Variants in RBMS3 observed in about 807,000 individuals in gnomAD.
RBMS3 encodes RNA binding motif single stranded interacting protein 3, also known as RNA-binding motif, single-stranded-interacting protein 3.
RBMS3 carries 27 observed loss-of-function variants against 66.8 expected under a neutral mutation model. The observed-to-expected ratio is 0.40, with a 90% CI of 0.30 to 0.56. RBMS3 has a LOEUF of 0.56. Among genes scored for constraint, RBMS3 ranks in the 20% least tolerant of loss-of-function variants. The probability of loss-of-function intolerance (pLI) is 0.40; values close to 1 mark genes in which losing one functional copy is unlikely to be tolerated. For missense variants in RBMS3, 513 were observed against 549.5 expected, an observed-to-expected ratio of 0.93 and a Z score of 0.66; for synonymous variants, 188 against 183.0, an observed-to-expected ratio of 1.03 and a Z score of -0.22.
chr3:29,850,203 G>A (rs1361871842), intron 6 of RBMS3, among the ~76,000 whole-genome samples: 1 of 152,150 alleles, frequency 6.6e-6, no homozygotes, highest in Non-Finnish European at 1.5e-5. Context: ...GAAAAACACA[G>A]AGAGAAAAGA....
chr3:29,724,605 A>G (rs1307665262), intron 4 of RBMS3, among the ~76,000 whole-genome samples: 1 of 152,192 alleles, frequency 6.6e-6, no homozygotes, highest in African/African-American at 2.4e-5. Flanking sequence ...AAATGGAAGT[A>G]TATAGTTATA....
At chr3:29,439,329 G>T (rs186062175) in intron 2 of RBMS3, among the ~76,000 whole-genome samples, 77 of 152,298 alleles carry the variant, frequency 5.1e-4, no homozygotes, top group African/African-American at 1.8e-3. Flanking sequence ...AGAGTACGGA[G>T]AAGTGATCCT....
intron 1 of RBMS3, among the ~76,000 whole-genome samples, chr3:29,382,580 C>T (rs934058385): frequency 4.6e-5 from 7 of 152,114 alleles, no homozygotes; most frequent in South Asian, 2.1e-4. Flanking sequence ...CTATGAGCAC[C>T]GAAGCACTGC....
At chr3:29,990,460 C>CAAAAAAAAAAAAAAAAAAAAAAAA (rs10596526) in intron 13 of RBMS3, among the ~76,000 whole-genome samples, 3 of 106,514 alleles carry the variant, frequency 2.8e-5, no homozygotes, top group African/African-American at 3.6e-5. Flanking sequence ...CTGTGAGAAA[C>CAAAAAAAAAAAAAAAAAAAAAAAA]AAAAAAAAAA....
At chr3:29,625,704 A>AAGTAAGTAAG (rs1553633445) in intron 4 of RBMS3, among the ~76,000 whole-genome samples, 2,827 of 133,252 alleles carry the variant, frequency 0.021, 78 homozygotes, top group African/African-American at 0.07. Flanking sequence ...ATTAAAGTAA[A>AAGTAAGTAAG]TAAATAAATA....
intron 1 of RBMS3, among the ~76,000 whole-genome samples, chr3:29,293,532 C>T (rs924251692): frequency 1.3e-5 from 2 of 151,768 alleles, no homozygotes; most frequent in African/African-American, 2.4e-5. Flanking sequence ...TAGATTTCAA[C>T]ATGGCCCATA....
intron 2 of RBMS3, among the ~76,000 whole-genome samples, chr3:29,472,555 C>CGTCTGGAGTTT (rs1187536266): frequency 1.2e-3 from 180 of 152,136 alleles, no homozygotes; most frequent in African/African-American, 4.2e-3. Context: ...TAAGGCGGCG[C>CGTCTGGAGTTT]GTACCTTCTG....
chr3:29,754,877 C>A (rs938408538), intron 5 of RBMS3, among the ~76,000 whole-genome samples: 4 of 152,262 alleles, frequency 2.6e-5, no homozygotes, highest in African/African-American at 9.6e-5. Context: ...GAAAGCTGGT[C>A]AGGAACAAAA....
chr3:29,426,394 A>G (rs1179761827), intron 1 of RBMS3, among the ~76,000 whole-genome samples: 2 of 152,216 alleles, frequency 1.3e-5, no homozygotes, highest in South Asian at 2.1e-4. Context: ...TGTGTTTCCA[A>G]GTACCATGAA....
intron 1 of RBMS3, among the ~76,000 whole-genome samples, chr3:29,414,067 G>A (rs1178597341): frequency 6.6e-6 from 1 of 152,130 alleles, no homozygotes; most frequent in Non-Finnish European, 1.5e-5. Flanking sequence ...CCTTGCGCGG[G>A]AGTCTTTTAA....
chr3:29,741,579 A>G (rs1179356583), intron 5 of RBMS3, among the ~76,000 whole-genome samples: 1 of 152,210 alleles, frequency 6.6e-6, no homozygotes, highest in Non-Finnish European at 1.5e-5. Context: ...GCTGGGAAAT[A>G]AATGCATTTC....
chr3:29,940,086 T>C (rs1340351982), intron 11 of RBMS3, among the ~76,000 whole-genome samples: 1 of 151,864 alleles, frequency 6.6e-6, no homozygotes, highest in African/African-American at 2.4e-5. Flanking sequence ...CCATACACAA[T>C]TACTTTTCAA....
chr3:29,945,828 T>C (rs975804774), intron 12 of RBMS3, among the ~76,000 whole-genome samples: 1 of 151,658 alleles, frequency 6.6e-6, no homozygotes, highest in Non-Finnish European at 1.5e-5. Context: ...CCTGATTGCA[T>C]ACACAGGGCC....
intron 4 of RBMS3, among the ~76,000 whole-genome samples, chr3:29,645,400 G>A (rs1034052869): frequency 6.6e-6 from 1 of 152,212 alleles, no homozygotes. Flanking sequence ...GTCTGGTGCT[G>A]TCCAAGGAAT....
intron 8 of RBMS3, among the ~76,000 whole-genome samples, chr3:29,887,453 T>C (rs889371092): frequency 5.9e-5 from 9 of 151,722 alleles, no homozygotes; most frequent in African/African-American, 1.9e-4. Flanking sequence ...AAGAGGCTCA[T>C]CCCCCTTTGC....
At chr3:29,289,393 TG>T (rs2125420573) in intron 1 of RBMS3, among the ~76,000 whole-genome samples, 1 of 152,044 alleles carries the variant, frequency 6.6e-6, no homozygotes, top group East Asian at 1.9e-4. Context: ...TCCTCAAATG[TG>T]TAAAGGCCAT....
chr3:29,999,241 A>G (rs1465925738), intron 14 of RBMS3, among the ~76,000 whole-genome samples: 1 of 152,218 alleles, frequency 6.6e-6, no homozygotes, highest in African/African-American at 2.4e-5. Flanking sequence ...TAGAATGGCA[A>G]TCATTAAAAA....
At chr3:29,730,098 A>C (rs1055256179) in intron 4 of RBMS3, among the ~76,000 whole-genome samples, 1 of 152,124 alleles carries the variant, frequency 6.6e-6, no homozygotes, top group African/African-American at 2.4e-5. Flanking sequence ...TATTAATGTT[A>C]ATCTTATATG....
intron 1 of RBMS3, among the ~76,000 whole-genome samples, chr3:29,420,968 C>A (rs34767061): frequency 0.18 from 24,922 of 140,838 alleles, 2,647 homozygotes; most frequent in Non-Finnish European, 0.25. Flanking sequence ...AAAAAATTAA[C>A]TGGGCGTGGT....
Sources: allele counts gnomAD v4.1 joint callset (sites outside exome capture counted in the v4.1 genomes callset), GRCh38; gene constraint gnomAD v4.1.1; transcripts MANE v1.5; gene names NCBI Gene and HGNC (gene_info 2026-07-23, HGNC 2026-07-21).